LRRC8C: variants seen among roughly 807,000 people sequenced by gnomAD.
The protein encoded by LRRC8C is leucine rich repeat containing 8 VRAC subunit C.
In LRRC8C, 20 loss-of-function variants were observed where a neutral mutation model predicts 55.3. That is an observed-to-expected ratio of 0.36 (90% confidence interval 0.25 to 0.53). The LOEUF (loss-of-function observed/expected upper bound fraction) is 0.53, where lower values mean the gene tolerates loss of function less well. LRRC8C is among the 20% of genes least tolerant of loss of function. The pLI is 0.92. For synonymous variants in LRRC8C, 376 were observed against 360.7 expected (o/e 1.04, Z -0.48); for missense variants, 659 against 951.4 (o/e 0.69, Z 4.04).
chr1:89,661,242 C>A, intron 1 of LRRC8C: 1 of 254,646 alleles, frequency 3.9e-6, no homozygotes, highest in East Asian at 1.0e-4. Flanking sequence ...CTTCAGTTTG[C>A]TGTAATCCAC....
At position 89,685,280 on chromosome 1, in the gene LRRC8C, G is replaced by A. The variant is rs375108907; in HGVS notation, c.-4-1190G>A. Among the ~76,000 whole-genome samples the A allele has an allele frequency of 8.0e-4, 81 of 100,996 alleles. 1 individual carries two copies. The highest frequency in any genetic ancestry group is 8.3e-3 in the Middle Eastern group (2 of 242). 66.3% of individuals were successfully genotyped at this position (100,996 alleles called of 152,430 possible). On this transcript the variant is annotated intron_variant, in intron 1 of 2. Coordinates refer to ENST00000370454, the MANE Select transcript of LRRC8C (RefSeq NM_032270.5). ...ACTACAGGCGCCCGCCACCGCGCCC[G>A]GCTAATTTTTTGTATTTTTAGTAGA...
At chr1:89,652,055 A>C (rs1417844046) in intron 1 of LRRC8C, among the ~76,000 whole-genome samples, 1 of 152,200 alleles carries the variant, frequency 6.6e-6, no homozygotes, top group Non-Finnish European at 1.5e-5. Flanking sequence ...TTTTCAAGGC[A>C]ATGTAGTATA....
chr1:89,695,805 T>C (rs1388969686), intron 2 of LRRC8C, among the ~76,000 whole-genome samples: 4 of 152,224 alleles, frequency 2.6e-5, no homozygotes, highest in Non-Finnish European at 4.4e-5. Flanking sequence ...AAGCATGGGC[T>C]CTCTCATATG....
chr1:89,636,889 C>A (rs375572723), intron 1 of LRRC8C, among the ~76,000 whole-genome samples: 4 of 152,208 alleles, frequency 2.6e-5, no homozygotes, highest in Admixed American at 2.6e-4. Context: ...AACTCTTTGA[C>A]GTCAGGGATT....
intron 2 of LRRC8C, among the ~76,000 whole-genome samples, chr1:89,703,253 A>G (rs1336701674): frequency 1.3e-5 from 2 of 152,226 alleles, no homozygotes; most frequent in Non-Finnish European, 2.9e-5. Context: ...GCTTCTCATC[A>G]GAAAAAATAT....
rs141138471 is a variant in LRRC8C at position 89,691,481 on chromosome 1, T to C, written c.138+4870T>C. The stretch of plus-strand genomic sequence containing the variant: ...GTCAGGGATATTAAACATCCTGCAA[T>C]CGGTGGGACATTCCCACACAGCAGA... On this transcript the variant is annotated intron_variant, in intron 2 of 2. Coordinates refer to ENST00000370454, the MANE Select transcript of LRRC8C (RefSeq NM_032270.5). Among the ~76,000 whole-genome samples the C allele has an allele frequency of 1.3e-3, 197 of 152,284 alleles. 1 individual carries two copies. The highest frequency in any genetic ancestry group is 2.5e-3 in the Non-Finnish European group (171 of 68,022).
upstream of LRRC8C, among the ~76,000 whole-genome samples, chr1:89,629,012 A>G (rs575695424): frequency 1.5e-4 from 23 of 152,312 alleles, no homozygotes; most frequent in Middle Eastern, 3.4e-3. Context: ...TTTAGCCCCA[A>G]TAGACCACCA....
chr1:89,686,640 G>T, intron 2 of LRRC8C, 29 bp downstream of exon 2: 1 of 1,612,270 alleles, frequency 6.2e-7, no homozygotes, highest in Non-Finnish European at 8.5e-7. Flanking sequence ...GGCAAAATGG[G>T]GGCCAGAGCA....
At chr1:89,687,787 A>G (rs1015126505) in intron 2 of LRRC8C, among the ~76,000 whole-genome samples, 5 of 152,224 alleles carry the variant, frequency 3.3e-5, no homozygotes, top group African/African-American at 1.2e-4. Flanking sequence ...ATGGAAATCA[A>G]CGTATTATAG....
rs562802547 is a variant in LRRC8C at position 89,648,273 on chromosome 1, A to G, written c.-5+14951A>G. 5.3e-5 allele frequency among the ~76,000 whole-genome samples: 8 copies of G among 152,326 alleles called. No homozygotes were observed. In the East Asian group the frequency reaches 1.3e-3, roughly 26 times the overall value. On this transcript the variant is annotated intron_variant, in intron 1 of 2. Transcript: ENST00000370454. ...ATTAATTATCTAAAATTGCAATTTA[A>G]ATTACCATTTAAAATAATTACTGTT...
intron 1 of LRRC8C, among the ~76,000 whole-genome samples, chr1:89,673,989 A>G (rs1167898817): frequency 6.6e-6 from 1 of 152,162 alleles, no homozygotes; most frequent in African/African-American, 2.4e-5. Context: ...AGAACGTTCC[A>G]GTTGTAGGAT....
At chr1:89,640,994 A>G (rs1338012056) in intron 1 of LRRC8C, among the ~76,000 whole-genome samples, 6 of 152,224 alleles carry the variant, frequency 3.9e-5, no homozygotes, top group Non-Finnish European at 7.3e-5. Context: ...AAATGACATA[A>G]ATATACTACA....
intron 2 of LRRC8C, among the ~76,000 whole-genome samples, chr1:89,705,454 AAAAAT>A (rs759437699): frequency 1.6e-4 from 25 of 151,974 alleles, no homozygotes; most frequent in South Asian, 2.1e-4. Context: ...GGGATTAACC[AAAAAT>A]AAAATAAAAT....
intron 1 of LRRC8C, among the ~76,000 whole-genome samples, chr1:89,671,536 G>A (rs1657416024): frequency 6.6e-6 from 1 of 152,168 alleles, no homozygotes; most frequent in African/African-American, 2.4e-5. Context: ...TGACCCACAT[G>A]TTGCTGCGTG....
upstream of LRRC8C, chr1:89,629,816 T>G (rs914769160): frequency 6.6e-6 from 1 of 152,240 alleles, no homozygotes; most frequent in Non-Finnish European, 1.5e-5. Flanking sequence ...AAGGAAGAGT[T>G]ATACTTGCCT....
At position 89,719,395 on chromosome 1, in the gene LRRC8C, T is replaced by C. The variant is rs1375407260; in HGVS notation, c.*4413T>C. ...CTCTGTCTGTATGTATGTCAAAAGCTGGCAAAACCTCTAAAACTGTCAAGA... is the reference window on the plus strand; with the variant it reads ...CTCTGTCTGTATGTATGTCAAAAGCCGGCAAAACCTCTAAAACTGTCAAGA... On this transcript the variant is annotated 3_prime_UTR_variant, in exon 3 of 3. Coordinates refer to ENST00000370454, the MANE Select transcript of LRRC8C (RefSeq NM_032270.5). 6.6e-6 allele frequency: 1 copy of C among 152,184 alleles called. No individual in the cohort carries two copies. The highest frequency in any genetic ancestry group is 1.5e-5 in the Non-Finnish European group (1 of 68,032). The allele number at this position is 152,184 out of a possible 1,614,324, so 9.4% of individuals were successfully genotyped here.
intron 2 of LRRC8C, among the ~76,000 whole-genome samples, chr1:89,689,952 G>A (rs966806360): frequency 2.2e-4 from 34 of 151,832 alleles, no homozygotes; most frequent in Non-Finnish European, 1.5e-5. Context: ...AAAAAAAAAA[G>A]AGAGAAATCA....
At chr1:89,627,982 C>A in the LRRC8C span, among the ~76,000 whole-genome samples, 1 of 152,140 alleles carries the variant, frequency 6.6e-6, no homozygotes, top group Non-Finnish European at 1.5e-5. Context: ...TGCAAATATT[C>A]AAAATCTGAA....
chr1:89,687,739 C>T (rs1274896151), intron 2 of LRRC8C, among the ~76,000 whole-genome samples: 7 of 151,996 alleles, frequency 4.6e-5, no homozygotes, highest in Admixed American at 2.6e-4. Context: ...GTAGCAACTA[C>T]GTCATTAGAA....
Sources: gnomAD v4.1 joint callset for allele counts (sites outside exome capture counted in the v4.1 genomes callset) on GRCh38, gnomAD v4.1.1 for gene constraint, MANE v1.5 for transcripts, NCBI Gene and HGNC (gene_info 2026-07-23, HGNC 2026-07-21) for gene names.